Variants in TTLL5 observed in about 807,000 individuals in gnomAD.
The protein encoded by TTLL5 is tubulin tyrosine ligase like 5.
TTLL5 carries 132 observed loss-of-function variants against 168.4 expected under a neutral mutation model. The ratio of observed to expected loss-of-function variants is 0.78; its 90% CI spans 0.68 to 0.91. The LOEUF (loss-of-function observed/expected upper bound fraction) is 0.91, where lower values mean the gene tolerates loss of function less well. TTLL5 is among the 40% of genes least tolerant of loss of function. TTLL5 has a pLI of 0.00. For missense variants in TTLL5, 1,545 were observed against 1,581.5 expected (o/e 0.98, Z 0.39); for synonymous variants, 546 against 558.6 (o/e 0.98, Z 0.32).
chr14:75,813,466 C>G (rs1190789553), intron 27 of TTLL5, among the ~76,000 whole-genome samples: 1 of 152,008 alleles, frequency 6.6e-6, no homozygotes, highest in East Asian at 1.9e-4. Context: ...CCACACTCAG[C>G]TAATTTTTAT....
chr14:75,817,737 G>A (rs774369091), intron 27 of TTLL5, among the ~76,000 whole-genome samples: 1 of 150,788 alleles, frequency 6.6e-6, no homozygotes, highest in African/African-American at 2.4e-5. Flanking sequence ...TTAAAATCCT[G>A]CATTCAGCTT....
intron 28 of TTLL5, among the ~76,000 whole-genome samples, chr14:75,850,711 A>T (rs1341083645): frequency 6.6e-6 from 1 of 152,224 alleles, no homozygotes; most frequent in Non-Finnish European, 1.5e-5. Context: ...AATCTAATTC[A>T]TGGAATTTAA....
chr14:75,755,434 C>T (rs1373673824), intron 18 of TTLL5, among the ~76,000 whole-genome samples: 1 of 151,972 alleles, frequency 6.6e-6, no homozygotes, highest in Non-Finnish European at 1.5e-5. Flanking sequence ...TTACAAACTC[C>T]CCTTCTTTTG....
intron 31 of TTLL5, among the ~76,000 whole-genome samples, chr14:75,911,750 A>G (rs899724983): frequency 2.6e-5 from 4 of 152,210 alleles, no homozygotes; most frequent in African/African-American, 9.7e-5. Context: ...TTTTAATCAG[A>G]TACTGGAATA....
chr14:75,898,813 G>A (rs1283994318), intron 30 of TTLL5, among the ~76,000 whole-genome samples: 1 of 152,104 alleles, frequency 6.6e-6, no homozygotes, highest in African/African-American at 2.4e-5. Context: ...TCTCAAATGT[G>A]GCGTCTCTTC....
chr14:75,779,071 T>G (rs1225247771), intron 23 of TTLL5, among the ~76,000 whole-genome samples: 1 of 152,210 alleles, frequency 6.6e-6, no homozygotes, highest in South Asian at 2.1e-4. Context: ...ATATGGGTGG[T>G]GGTGGTGGTG....
At chr14:75,706,906 AT>A (rs565182044) in intron 7 of TTLL5, 111 bp from the exon 8 acceptor site, 4 of 892,506 alleles carry the variant, frequency 4.5e-6, no homozygotes, top group Non-Finnish European at 7.0e-6. Context: ...TTTAACCAGA[AT>A]TTTAGTTTTC....
chr14:75,785,944 A>G (rs955893261), intron 26 of TTLL5, among the ~76,000 whole-genome samples: 1 of 152,180 alleles, frequency 6.6e-6, no homozygotes, highest in Admixed American at 6.5e-5. Context: ...TTATCTGTGG[A>G]TCAGTTTGGG....
chr14:75,721,814 AAC>A (rs1887853874), intron 12 of TTLL5, among the ~76,000 whole-genome samples: 1 of 152,212 alleles, frequency 6.6e-6, no homozygotes, highest in South Asian at 2.1e-4. Flanking sequence ...TGATCTCTTT[AAC>A]AGATTATCGT....
chr14:75,742,296 C>G (rs116140816), intron 15 of TTLL5, among the ~76,000 whole-genome samples: 1 of 152,198 alleles, frequency 6.6e-6, no homozygotes, highest in East Asian at 1.9e-4. Flanking sequence ...TTCTTACTCT[C>G]TCTTTACGTA....
chr14:75,773,925 TATAG>T (rs1249649073), intron 21 of TTLL5, among the ~76,000 whole-genome samples: 348 of 26,258 alleles, frequency 0.013, 5 homozygotes, highest in African/African-American at 0.036. Flanking sequence ...TATATATATA[TATAG>T]AGAGAGAGAG....
chr14:75,871,425 G>T (rs2031023572), intron 29 of TTLL5, among the ~76,000 whole-genome samples: 1 of 152,012 alleles, frequency 6.6e-6, no homozygotes, highest in East Asian at 1.9e-4. Flanking sequence ...GACTTCCAAA[G>T]CCCCTTTCCA....
chr14:75,775,333 T>C, intron 21 of TTLL5, 151 bp from the exon 22 acceptor site: 1 of 863,478 alleles, frequency 1.2e-6, no homozygotes, highest in Non-Finnish European at 1.7e-6. Context: ...GTATGCTTCT[T>C]ATACCTAACC....
In TTLL5 at chr14:75,882,718, A is replaced by G; in HGVS notation, c.3556A>G (p.Asn1186Asp). The G allele has an allele frequency of 6.2e-7, 1 of 1,613,408 alleles. No homozygotes were observed. Reference sequence around the variant, plus strand: ...TGGCAGCCAGACACTACCTAACTCCAATTTATGGACAATGAATAATGGTGC... The same window carrying G: ...TGGCAGCCAGACACTACCTAACTCCGATTTATGGACAATGAATAATGGTGC... ...IFGSQTLPNS[N>D]LWTMNNGAGC... The change falls in exon 30 of 32, where the codon AAT becomes GAT. Residue 1186 changes from asparagine (N) to aspartate (D), a missense_variant. Transcript: ENST00000298832.
chr14:75,818,272 TAAGG>T (rs1056368607), intron 27 of TTLL5, among the ~76,000 whole-genome samples: 14 of 152,274 alleles, frequency 9.2e-5, no homozygotes, highest in African/African-American at 2.9e-4. Context: ...AGAATATAGA[TAAGG>T]AAGAAAATAA....
intron 13 of TTLL5, among the ~76,000 whole-genome samples, chr14:75,733,598 G>A (rs746578747): frequency 1.3e-5 from 2 of 152,082 alleles, no homozygotes; most frequent in Non-Finnish European, 1.5e-5. Flanking sequence ...TGTTGCAGCA[G>A]CAAAAAGTAA....
intron 27 of TTLL5, among the ~76,000 whole-genome samples, chr14:75,804,642 TG>T (rs1219575974): frequency 5.9e-5 from 9 of 152,210 alleles, no homozygotes; most frequent in Admixed American, 5.9e-4. Context: ...TAGAAAAAGT[TG>T]TTGTTCTTTT....
chr14:75,788,044 A>G (rs575026780), intron 26 of TTLL5, among the ~76,000 whole-genome samples: 1 of 152,240 alleles, frequency 6.6e-6, no homozygotes, highest in South Asian at 2.1e-4. Flanking sequence ...CAAGCTCCCT[A>G]GGAGGCTGAG....
At chr14:75,931,494 A>G (rs1356196979) in intron 31 of TTLL5, among the ~76,000 whole-genome samples, 1 of 152,004 alleles carries the variant, frequency 6.6e-6, no homozygotes. Flanking sequence ...AACACATAAC[A>G]CTTTCTGTTT....
Sources: allele counts gnomAD v4.1 joint callset (sites outside exome capture counted in the v4.1 genomes callset), GRCh38; gene constraint gnomAD v4.1.1; transcripts MANE v1.5; gene names NCBI Gene and HGNC (gene_info 2026-07-23, HGNC 2026-07-21).